Variants in TACC2 observed in about 807,000 individuals in gnomAD.
The protein encoded by TACC2 is transforming acidic coiled-coil-containing protein 2.
Under a neutral mutation model 227.3 loss-of-function variants are expected in TACC2, and 137 were observed. The observed-to-expected ratio is 0.60, with a 90% CI of 0.52 to 0.69. The LOEUF (loss-of-function observed/expected upper bound fraction) is 0.69, where lower values mean the gene tolerates loss of function less well. Ranked by LOEUF, TACC2 falls within the 30% of genes least tolerant of loss-of-function variation. The pLI is 0.00. For synonymous variants in TACC2, 1,523 were observed against 1,487.5 expected (o/e 1.02, Z -0.55); for missense variants, 3,470 against 3,694.4 (o/e 0.94, Z 1.57).
At chr10:122,208,907 A>T (rs1442349546) in intron 8 of TACC2, among the ~76,000 whole-genome samples, 1 of 152,198 alleles carries the variant, frequency 6.6e-6, no homozygotes, top group South Asian at 2.1e-4. Context: ...GTTTTCTGGC[A>T]TCCTTGACTG....
chr10:122,210,973 C>G lies in TACC2; in HGVS notation c.6548C>G (p.Pro2183Arg). The G allele has an allele frequency of 6.2e-7, 1 of 1,613,340 alleles. No individual in the cohort carries two copies. Among genetic ancestry groups the G allele is most frequent in the Non-Finnish European group, 8.5e-7 (1 of 1,179,766 alleles). ...ACGGAATCTGCCAAGACGGAAGGTC[C>G]TAGCCCAGCCTTATTGGAGGAGACG... ...TKTESAKTEG[P>R]SPALLEETPL... Residue 2183 changes from proline (P) to arginine (R), a missense_variant, in exon 9 of 23, where the codon CCT (proline) becomes CGT (arginine). By Grantham distance (103) the Pro-to-Arg change is moderately radical (BLOSUM62 -2). This residue lies in a region of TACC2 where 593 missense variants were observed against 636.6 expected (regional missense o/e 0.93). Transcript: ENST00000369005. This position sits in a 1 kb window ranked among gnomAD's most constrained non-coding sequence, Gnocchi z 4.6.
In TACC2 at chr10:122,183,339, CCT is replaced by C. The variant is rs1367390328; in HGVS notation, c.5835-11697_5835-11696del. Among the ~76,000 whole-genome samples the C allele has an allele frequency of 2.0e-5, 3 of 152,324 alleles. No homozygotes were observed. The East Asian group carries it at 5.8e-4, about 29-fold the overall frequency. ...AAGAGTCCACCCTGAGATTAGTCAT[CCT>C]CTCAGTCTCCCGTTGGCTCTATGAT... On this transcript the variant is annotated intron_variant, in intron 7 of 22. Transcript: ENST00000369005.
chr10:122,019,363 C>G (rs1359749945), intron 1 of TACC2, among the ~76,000 whole-genome samples: 1 of 152,174 alleles, frequency 6.6e-6, no homozygotes, highest in African/African-American at 2.4e-5. Flanking sequence ...ACATTATTTA[C>G]GGCGGAATTT....
At chr10:122,024,553 T>C (rs1056844113) in intron 2 of TACC2, among the ~76,000 whole-genome samples, 14 of 152,224 alleles carry the variant, frequency 9.2e-5, no homozygotes, top group Middle Eastern at 3.4e-3. Flanking sequence ...CCCACCTCTC[T>C]CTCCTCTCAT....
chr10:122,128,103 A>AGAGC (rs1201938202), intron 5 of TACC2, among the ~76,000 whole-genome samples: 3 of 151,650 alleles, frequency 2.0e-5, no homozygotes, highest in African/African-American at 7.3e-5. Context: ...TGACGGCCTG[A>AGAGC]GAGCGAGGGA....
At position 122,012,072 on chromosome 10, in the gene TACC2, G is replaced by A. The variant is rs532522171; in HGVS notation, c.-45-9865G>A. On this transcript the variant is annotated intron_variant, in intron 1 of 22. Transcript: ENST00000369005. ...CCCGCTTCCGCCTCCCAAGTTTCTG[G>A]AACTACAGGCACCCGCCACCATGCC... Among the ~76,000 whole-genome samples, 11 of 152,070 alleles carry A rather than the reference G, an allele frequency of 7.2e-5. No individual in the cohort carries two copies. The South Asian group carries it at 2.1e-3, about 29-fold the overall frequency.
intron 1 of TACC2, among the ~76,000 whole-genome samples, chr10:122,011,305 C>G (rs561620508): frequency 6.6e-6 from 1 of 152,206 alleles, no homozygotes; most frequent in Admixed American, 6.5e-5. Context: ...CCCTGCACTG[C>G]TCTTATGTTT....
intron 8 of TACC2, among the ~76,000 whole-genome samples, chr10:122,208,407 G>A (rs1211684408): frequency 1.3e-5 from 2 of 152,204 alleles, no homozygotes; most frequent in Admixed American, 6.5e-5. Flanking sequence ...GTTGCTATGA[G>A]CAAAGCTTGG....
chr10:122,244,150 G>A (rs557286040), intron 19 of TACC2, among the ~76,000 whole-genome samples: 1 of 152,268 alleles, frequency 6.6e-6, no homozygotes, highest in East Asian at 1.9e-4. Context: ...GGTGCCAGGG[G>A]TTAGGGCCAC....
intron 2 of TACC2, among the ~76,000 whole-genome samples, chr10:122,036,500 C>CTTTTT (rs372264940): frequency 1.5e-5 from 2 of 132,076 alleles, no homozygotes; most frequent in Admixed American, 7.9e-5. Context: ...GCAATCCATT[C>CTTTTT]TTTTTTTTTT....
intron 19 of TACC2, chr10:122,246,838 T>C (rs1054760341): frequency 6.7e-6 from 1 of 150,012 alleles, no homozygotes; most frequent in Non-Finnish European, 1.5e-5. Context: ...CGTGCACACA[T>C]GTGTGCACAC....
At chr10:122,166,894 T>A (rs952057097) in intron 7 of TACC2, among the ~76,000 whole-genome samples, 1 of 152,190 alleles carries the variant, frequency 6.6e-6, no homozygotes, top group African/African-American at 2.4e-5. Flanking sequence ...TCAGTATGGA[T>A]GGTAGGAGAC....
At chr10:122,122,491 C>CTT (rs368366143) in intron 5 of TACC2, among the ~76,000 whole-genome samples, 97,782 of 148,244 alleles carry the variant, frequency 0.66, 35,472 homozygotes, top group South Asian at 0.82. Context: ...AAAATAATTC[C>CTT]TTTTTTTTTT....
chr10:122,097,607 G>A (rs1172179832), intron 5 of TACC2, among the ~76,000 whole-genome samples: 11 of 152,114 alleles, frequency 7.2e-5, no homozygotes, highest in Admixed American at 6.5e-5. Flanking sequence ...GGCTGAGGAT[G>A]AGATCAAGCT....
chr10:122,155,965 G>A (rs962788882), intron 7 of TACC2, among the ~76,000 whole-genome samples: 3 of 150,674 alleles, frequency 2.0e-5, no homozygotes, highest in Non-Finnish European at 4.4e-5. Context: ...AGCCTCGCGA[G>A]TAGCTGGGAC....
Position 122,199,234 on chromosome 10 carries a change from G to C in TACC2, c.5971+4058G>C, listed in dbSNP as rs184719214. Among the ~76,000 whole-genome samples, 6 of 152,348 alleles carry C rather than the reference G, an allele frequency of 3.9e-5. No homozygotes were observed. In the East Asian group the frequency reaches 1.2e-3, roughly 29 times the overall value. On this transcript the variant is annotated intron_variant, in intron 8 of 22. Coordinates refer to ENST00000369005, the MANE Select transcript of TACC2 (RefSeq NM_206862.4). ...CGAGCCATTGAGCCAAGGGTATACA[G>C]ATTCACAGCCACCAGATCCAAGCAC... is the stretch of plus-strand genomic sequence containing the variant.
At chr10:122,240,239 T>C (rs114796338) in intron 18 of TACC2, among the ~76,000 whole-genome samples, 3,860 of 152,268 alleles carry the variant, frequency 0.025, 150 homozygotes, top group African/African-American at 0.089. Context: ...TCAGCAGTGA[T>C]GAGTGGTTAG....
At chr10:122,244,668 C>T (rs555075413) in intron 19 of TACC2, among the ~76,000 whole-genome samples, 2 of 152,226 alleles carry the variant, frequency 1.3e-5, no homozygotes, top group Admixed American at 6.5e-5. Flanking sequence ...TTTTCACTCA[C>T]GTAACCAGCA....
rs188945921 is a variant in TACC2 at position 122,244,394 on chromosome 10, C to T, written c.8392+2393C>T. 2.4e-3 allele frequency among the ~76,000 whole-genome samples: 363 copies of T among 152,332 alleles called. 2 individuals are homozygous for T. The highest frequency in any genetic ancestry group is 8.5e-3 in the African/African-American group (352 of 41,560). On this transcript the variant is annotated intron_variant, in intron 19 of 22. Coordinates refer to ENST00000369005, the MANE Select transcript of TACC2 (RefSeq NM_206862.4). ...TCCTCATTCACCCATTGACCGTCCT[C>T]TGTCATTCCAAGGCTTTTTTCATCA...
Sources: allele counts gnomAD v4.1 joint callset (sites outside exome capture counted in the v4.1 genomes callset), GRCh38; gene constraint gnomAD v4.1.1; regional missense constraint gnomAD v4.1.1; non-coding constraint Gnocchi (gnomAD v3.1); transcripts MANE v1.5; gene names NCBI Gene and HGNC (gene_info 2026-07-23, HGNC 2026-07-21).